The following CTNNAL1 variants were observed in gnomAD, a reference collection of about 807,000 sequenced individuals.
CTNNAL1 encodes alpha-catulin.
In CTNNAL1, 69 loss-of-function variants were observed where a neutral mutation model predicts 93.6. That is an observed-to-expected ratio of 0.74 (90% confidence interval 0.61 to 0.90). The LOEUF (loss-of-function observed/expected upper bound fraction) is 0.90, where lower values mean the gene tolerates loss of function less well. Ranked by LOEUF, CTNNAL1 falls within the 40% of genes least tolerant of loss-of-function variation. CTNNAL1 has a pLI of 0.00. For synonymous variants in CTNNAL1, 286 were observed against 305.4 expected, an observed-to-expected ratio of 0.94 and a Z score of 0.66; for missense variants, 836 against 862.0, an observed-to-expected ratio of 0.97 and a Z score of 0.38.
chr9:109,001,843 C>A (rs1438470816), intron 1 of CTNNAL1, among the ~76,000 whole-genome samples: 1 of 152,328 alleles, frequency 6.6e-6, no homozygotes, highest in South Asian at 2.1e-4. Flanking sequence ...AATTAACCCA[C>A]AGAAACCATA....
chr9:108,972,864 G>GGGGGGGGGGGCGCCCCCCCC, intron 8 of CTNNAL1, 31 bp from the exon 9 acceptor site: 2 of 142,570 alleles, frequency 1.4e-5, no homozygotes, highest in East Asian at 2.2e-4. Context: ...GGGGGGGTGG[G>GGGGGGGGGGGCGCCCCCCCC]AGGGTGGAGA....
intron 15 of CTNNAL1, 148 bp downstream of exon 15, chr9:108,948,038 C>A: frequency 1.1e-6 from 1 of 896,966 alleles, no homozygotes; most frequent in Non-Finnish European, 1.6e-6. Context: ...AGCCATCTAC[C>A]TTTCTACTTT....
At chr9:108,999,627 T>A (rs1191071293) in intron 1 of CTNNAL1, among the ~76,000 whole-genome samples, 1 of 152,224 alleles carries the variant, frequency 6.6e-6, no homozygotes, top group Non-Finnish European at 1.5e-5. Context: ...CGACTTCAGA[T>A]GCTATGAGAG....
chr9:109,009,455 T>G (rs757060969), intron 1 of CTNNAL1, among the ~76,000 whole-genome samples: 1 of 152,212 alleles, frequency 6.6e-6, no homozygotes, highest in East Asian at 1.9e-4. Context: ...TTTTTTAAGT[T>G]CTTCCTTTCC....
intron 4 of CTNNAL1, among the ~76,000 whole-genome samples, chr9:108,986,151 A>G (rs1458732281): frequency 6.7e-6 from 1 of 150,016 alleles, no homozygotes; most frequent in Admixed American, 6.7e-5. Flanking sequence ...AGCATTAGGT[A>G]TATCTCCTAA....
intron 11 of CTNNAL1, among the ~76,000 whole-genome samples, chr9:108,962,094 G>C (rs1781724544): frequency 6.6e-6 from 1 of 152,144 alleles, no homozygotes; most frequent in African/African-American, 2.4e-5. Context: ...ACCTCAGTAA[G>C]GGTCCCAGCT....
intron 1 of CTNNAL1, among the ~76,000 whole-genome samples, chr9:109,011,720 G>A (rs539986112): frequency 3.9e-5 from 6 of 152,316 alleles, no homozygotes; most frequent in African/African-American, 1.2e-4. Flanking sequence ...CTTATTGAAA[G>A]CCCTAACAAC....
In CTNNAL1 at chr9:108,952,239, C is replaced by CTGAACATA; in HGVS notation, c.1804_1805insTATGTTCA (p.Ser602IlefsTer19). On this transcript the variant is annotated frameshift_variant, in exon 14 of 19. Coordinates refer to ENST00000325551, the MANE Select transcript of CTNNAL1 (RefSeq NM_003798.4). LOFTEE classifies it high-confidence loss of function. ...AAATAAATACAGAGAATAGGCCATACTGGACATGTTCCGTCCATATTGAAC... is the reference window on the plus strand; with the variant it reads ...AAATAAATACAGAGAATAGGCCATACTGAACATATGGACATGTTCCGTCCATATTGAAC... 6.2e-7 allele frequency: 1 copy of CTGAACATA among 1,613,424 alleles called. No individual in the cohort carries two copies. The highest frequency in any genetic ancestry group is 8.5e-7 in the Non-Finnish European group (1 of 1,179,458).
intron 12 of CTNNAL1, among the ~76,000 whole-genome samples, chr9:108,953,350 G>A (rs192093347): frequency 6.6e-6 from 1 of 152,170 alleles, no homozygotes; most frequent in Non-Finnish European, 1.5e-5. Flanking sequence ...CTCCAACTCT[G>A]AGATCTGGTG....
chr9:108,999,287 C>A, intron 1 of CTNNAL1, 31 bp from the exon 2 acceptor site: 2 of 1,563,168 alleles, frequency 1.3e-6, no homozygotes, highest in South Asian at 1.2e-5. Context: ...CAACTTTTAT[C>A]TCAATACCTT....
chr9:108,957,479 TAGA>T (rs1359332436), intron 11 of CTNNAL1, among the ~76,000 whole-genome samples: 2 of 152,192 alleles, frequency 1.3e-5, no homozygotes, highest in East Asian at 1.9e-4. Context: ...AGTGCTGATC[TAGA>T]AGAAGAACTG....
intron 11 of CTNNAL1, 107 bp from the exon 12 acceptor site, chr9:108,955,934 A>G (rs1015340807): frequency 1.2e-5 from 8 of 652,556 alleles, no homozygotes; most frequent in African/African-American, 1.1e-4. Context: ...ATGTTAGTAC[A>G]TTAGTTTTGA....
chr9:109,011,846 C>T (rs550151654), intron 1 of CTNNAL1, among the ~76,000 whole-genome samples: 2 of 152,340 alleles, frequency 1.3e-5, no homozygotes, highest in Admixed American at 1.3e-4. Flanking sequence ...TGCTTAGAAC[C>T]TGGCCTACCA....
At chr9:108,972,005 A>G (rs1321181144) in intron 9 of CTNNAL1, among the ~76,000 whole-genome samples, 3 of 152,212 alleles carry the variant, frequency 2.0e-5, no homozygotes, top group African/African-American at 7.2e-5. Context: ...TGTTTGGATT[A>G]TTAGGATTAT....
chr9:108,942,774 T>C lies in CTNNAL1; in HGVS notation c.2200A>G (p.Thr734Ala). ...GATCTGACCCCAAAAGCTTCTCAAG[T>C]TTTACTATCCATAGTGTCCTTATTT... ...VTNKDTMDSK[T>A] The change falls in exon 19 of 19, where the codon ACT (threonine) becomes GCT (alanine). Residue 734 changes from threonine (T) to alanine (A), a missense_variant. Physicochemically the swap from Thr to Ala is moderately conservative, Grantham distance 58. Coordinates refer to ENST00000325551, the MANE Select transcript of CTNNAL1 (RefSeq NM_003798.4). The C allele has an allele frequency of 6.2e-7, 1 of 1,607,434 alleles. No individual in the cohort carries two copies. The highest frequency in any genetic ancestry group is 8.5e-7 in the Non-Finnish European group (1 of 1,174,940).
At chr9:108,947,210 T>C (rs927222449) in intron 15 of CTNNAL1, among the ~76,000 whole-genome samples, 4 of 150,098 alleles carry the variant, frequency 2.7e-5, no homozygotes, top group South Asian at 2.1e-4. Context: ...GCCTCCCGGG[T>C]TCACGCCACT....
chr9:108,972,864 G>GGGGGGGTCCC, intron 8 of CTNNAL1, 31 bp from the exon 9 acceptor site: 1 of 142,590 alleles, frequency 7.0e-6, no homozygotes, highest in Non-Finnish European at 1.0e-5. Context: ...GGGGGGGTGG[G>GGGGGGGTCCC]AGGGTGGAGA....
intron 4 of CTNNAL1, among the ~76,000 whole-genome samples, chr9:108,984,856 G>A (rs555701304): frequency 8.2e-4 from 125 of 152,250 alleles, no homozygotes; most frequent in Non-Finnish European, 1.5e-3. Flanking sequence ...CTTAAAAGTC[G>A]ATTCTTTAAG....
intron 9 of CTNNAL1, among the ~76,000 whole-genome samples, chr9:108,972,100 G>A (rs906020771): frequency 5.3e-5 from 8 of 152,076 alleles, no homozygotes; most frequent in African/African-American, 1.7e-4. Flanking sequence ...TGCTCCTCCC[G>A]GGAGGGTCAC....
Sources: allele counts gnomAD v4.1 joint callset (sites outside exome capture counted in the v4.1 genomes callset), GRCh38; gene constraint gnomAD v4.1.1; transcripts MANE v1.5; gene names NCBI Gene and HGNC (gene_info 2026-07-23, HGNC 2026-07-21).